AGMO: variants seen among roughly 807,000 people sequenced by gnomAD.
AGMO encodes alkylglycerol monooxygenase.
AGMO carries 75 observed loss-of-function variants against 60.2 expected under a neutral mutation model. That is an observed-to-expected ratio of 1.25 (90% confidence interval 1.03 to 1.51). AGMO has a LOEUF of 1.51. Ranked by LOEUF, AGMO falls within the 40% of genes most tolerant of loss-of-function variation. AGMO has a pLI of 0.00. For missense variants in AGMO, 763 were observed against 525.5 expected (o/e 1.45, Z -4.42); for synonymous variants, 261 against 177.1 (o/e 1.47, Z -3.76).
At chr7:15,322,121 C>G (rs1325573339) in intron 12 of AGMO, among the ~76,000 whole-genome samples, 1 of 151,450 alleles carries the variant, frequency 6.6e-6, no homozygotes, top group Non-Finnish European at 1.5e-5. Context: ...GCCTGGGCAA[C>G]ATAATGAGAT....
chr7:15,198,239 GAGAGAGAGAGAGAGAGAC>G (rs1254561091), downstream of AGMO, among the ~76,000 whole-genome samples: 615 of 108,922 alleles, frequency 5.6e-3, 14 homozygotes, highest in African/African-American at 0.023. Context: ...GAGAGAGAGA[GAGAGAGAGAGAGAGAGAC>G]AGAGACAGAG....
chr7:15,312,005 G>A (rs1780781153), intron 12 of AGMO, among the ~76,000 whole-genome samples: 1 of 151,954 alleles, frequency 6.6e-6, no homozygotes, highest in Non-Finnish European at 1.5e-5. Flanking sequence ...AAGCATTTGT[G>A]AGCTGTTATG....
At chr7:15,301,130 A>G (rs1237118731) in intron 12 of AGMO, among the ~76,000 whole-genome samples, 3 of 152,148 alleles carry the variant, frequency 2.0e-5, no homozygotes, top group Admixed American at 6.6e-5. Flanking sequence ...TAAAAGTGTT[A>G]TTGATACTAA....
chr7:15,155,029 A>G, the AGMO span, among the ~76,000 whole-genome samples: 1 of 151,694 alleles, frequency 6.6e-6, no homozygotes, highest in East Asian at 1.9e-4. Flanking sequence ...TGCCTTTCAG[A>G]TTTTTTCTTT....
intron 5 of AGMO, among the ~76,000 whole-genome samples, chr7:15,415,296 G>C (rs1780733066): frequency 6.6e-6 from 1 of 151,878 alleles, no homozygotes; most frequent in South Asian, 2.1e-4. Flanking sequence ...TGTAATCCCA[G>C]CACTTTGGAA....
At chr7:15,328,058 G>A (rs1781398959) in intron 12 of AGMO, among the ~76,000 whole-genome samples, 3 of 151,972 alleles carry the variant, frequency 2.0e-5, no homozygotes, top group Non-Finnish European at 4.4e-5. Context: ...TTGCAGGTAT[G>A]AGACACTGTG....
At chr7:15,312,085 G>GAGAGAAAGAA (rs1207884100) in intron 12 of AGMO, among the ~76,000 whole-genome samples, 1 of 152,020 alleles carries the variant, frequency 6.6e-6, no homozygotes, top group African/African-American at 2.4e-5. Flanking sequence ...GACAGGGAGA[G>GAGAGAAAGAA]AGAGAAAGAA....
At chr7:15,371,507 C>A (rs1182062430) in intron 10 of AGMO, among the ~76,000 whole-genome samples, 1 of 152,144 alleles carries the variant, frequency 6.6e-6, no homozygotes, top group Non-Finnish European at 1.5e-5. Context: ...TCACCTGCCT[C>A]AGCCTCCCTA....
At chr7:15,178,718 A>AC in the AGMO span, among the ~76,000 whole-genome samples, 2 of 152,150 alleles carry the variant, frequency 1.3e-5, no homozygotes, top group Non-Finnish European at 2.9e-5. Context: ...AGTAGTAAAT[A>AC]CCAGAAGGAA....
At chr7:15,182,374 C>T in the AGMO span, among the ~76,000 whole-genome samples, 52,954 of 151,918 alleles carry the variant, frequency 0.35, 10,418 homozygotes, top group Middle Eastern at 0.46. Flanking sequence ...TATTGTACCA[C>T]GATAAAAAAT....
At chr7:15,536,500 G>C (rs1784486507) in intron 3 of AGMO, among the ~76,000 whole-genome samples, 1 of 151,818 alleles carries the variant, frequency 6.6e-6, no homozygotes, top group African/African-American at 2.4e-5. Flanking sequence ...TAATGGCAAT[G>C]AGAGGACAGT....
chr7:15,345,959 C>T (rs995176302), intron 12 of AGMO, among the ~76,000 whole-genome samples: 1 of 151,934 alleles, frequency 6.6e-6, no homozygotes, highest in African/African-American at 2.4e-5. Flanking sequence ...TGTTTTAATT[C>T]CAATATATTA....
chr7:15,336,917 C>T (rs1781683309), intron 12 of AGMO, among the ~76,000 whole-genome samples: 1 of 152,138 alleles, frequency 6.6e-6, no homozygotes, highest in Non-Finnish European at 1.5e-5. Context: ...ACCATTTTGA[C>T]ACCTGGTCCT....
chr7:15,548,040 C>T (rs913725491), intron 2 of AGMO, among the ~76,000 whole-genome samples: 10 of 150,662 alleles, frequency 6.6e-5, no homozygotes, highest in South Asian at 2.1e-4. Flanking sequence ...TAGGAGGCAC[C>T]CCCCAGCAGG....
intron 10 of AGMO, among the ~76,000 whole-genome samples, chr7:15,381,703 T>G (rs893885212): frequency 1.3e-5 from 2 of 152,132 alleles, no homozygotes; most frequent in Non-Finnish European, 2.9e-5. Flanking sequence ...ATCATTCTTT[T>G]ATAAAGTTAA....
chr7:15,335,072 A>T (rs1191598865), intron 12 of AGMO, among the ~76,000 whole-genome samples: 1 of 152,192 alleles, frequency 6.6e-6, no homozygotes, highest in Non-Finnish European at 1.5e-5. Flanking sequence ...ATGGCTTGGG[A>T]AGCCGTATTC....
the AGMO span, among the ~76,000 whole-genome samples, chr7:15,124,588 C>A: frequency 6.6e-6 from 1 of 152,084 alleles, no homozygotes; most frequent in South Asian, 2.1e-4. Context: ...CTGACATACT[C>A]TCCCAGTCTT....
chr7:15,500,096 TTG>T (rs1298238169), intron 3 of AGMO, among the ~76,000 whole-genome samples: 2 of 151,776 alleles, frequency 1.3e-5, no homozygotes, highest in Non-Finnish European at 2.9e-5. Context: ...TCTTACAGTT[TTG>T]GTTTTGGATG....
intron 12 of AGMO, among the ~76,000 whole-genome samples, chr7:15,351,553 T>G (rs1297823568): frequency 6.6e-6 from 1 of 152,164 alleles, no homozygotes; most frequent in Non-Finnish European, 1.5e-5. Flanking sequence ...GGATATCATG[T>G]GCGTATCATG....
Sources: gnomAD v4.1 joint callset for allele counts (sites outside exome capture counted in the v4.1 genomes callset) on GRCh38, gnomAD v4.1.1 for gene constraint, MANE v1.5 for transcripts, NCBI Gene and HGNC (gene_info 2026-07-23, HGNC 2026-07-21) for gene names.